The following ADAMTSL1 variants were observed in gnomAD, a reference collection of about 807,000 sequenced individuals.
ADAMTSL1 encodes the protein ADAMTS like 1, also known as ADAMTS-like protein 1.
ADAMTSL1 carries 126 observed loss-of-function variants against 201.8 expected under a neutral mutation model. That is an observed-to-expected ratio of 0.62 (90% CI 0.54 to 0.72). The LOEUF (loss-of-function observed/expected upper bound fraction) is 0.72. ADAMTSL1 is among the 30% of genes least tolerant of loss of function. ADAMTSL1 has a pLI of 0.00. For missense variants in ADAMTSL1, 2,679 were observed against 2,277.8 expected (o/e 1.18, Z -3.59); for synonymous variants, 1,121 against 903.4 (o/e 1.24, Z -4.32).
chr9:18,574,251 C>T lies in ADAMTSL1; in HGVS notation c.459C>T (p.Ile153=). The change falls in exon 4 of 29, where the codon ATC becomes ATT. Residue 153 remains isoleucine, a synonymous_variant. Coordinates refer to ENST00000380548, the MANE Select transcript of ADAMTSL1 (RefSeq NM_001040272.6). ...ATACAGAATCTTTGGATATGTGCAT[C>T]AGTGGTTTATGCCAAGTAAGTGCTG... ...RCYTESLDMC[I]SGLCQIVGCD... is the part of the protein sequence containing the mutation. 1 of 1,613,982 alleles carries T rather than the reference C, an allele frequency of 6.2e-7. No homozygotes were observed. The highest frequency in any genetic ancestry group is 8.5e-7 in the Non-Finnish European group (1 of 1,179,860).
intron 1 of ADAMTSL1, among the ~76,000 whole-genome samples, chr9:18,146,165 G>A (rs1290929065): frequency 2.6e-5 from 4 of 152,046 alleles, no homozygotes; most frequent in African/African-American, 7.2e-5. Flanking sequence ...AGATTGTTTG[G>A]CAGTTTCTTA....
intron 3 of ADAMTSL1, among the ~76,000 whole-genome samples, chr9:18,547,826 T>G (rs1422610821): frequency 6.6e-6 from 1 of 151,718 alleles, no homozygotes; most frequent in Non-Finnish European, 1.5e-5. Context: ...AAAATTTTAG[T>G]ACAGTATCTG....
intron 14 of ADAMTSL1, among the ~76,000 whole-genome samples, chr9:18,708,740 T>C (rs941262468): frequency 6.6e-6 from 1 of 152,180 alleles, no homozygotes; most frequent in Non-Finnish European, 1.5e-5. Context: ...CTTTAAAAAA[T>C]TATTTATGGT....
chr9:18,356,520 C>T (rs1358452157), intron 2 of ADAMTSL1, among the ~76,000 whole-genome samples: 13 of 134,106 alleles, frequency 9.7e-5, no homozygotes, highest in African/African-American at 3.7e-4. Context: ...CAGTGAGACC[C>T]TGTCTTTAAA....
chr9:18,897,553 T>A (rs949300292), intron 26 of ADAMTSL1, among the ~76,000 whole-genome samples: 1 of 152,166 alleles, frequency 6.6e-6, no homozygotes, highest in Non-Finnish European at 1.5e-5. Flanking sequence ...ACTTCACTGG[T>A]GATACATCCA....
chr9:18,186,459 T>A (rs1828738181), intron 2 of ADAMTSL1, among the ~76,000 whole-genome samples: 1 of 152,144 alleles, frequency 6.6e-6, no homozygotes, highest in African/African-American at 2.4e-5. Context: ...CTTTGTTGCC[T>A]AGTCCCTACC....
intron 2 of ADAMTSL1, among the ~76,000 whole-genome samples, chr9:18,431,346 A>G (rs1232354799): frequency 1.3e-5 from 2 of 152,232 alleles, no homozygotes; most frequent in Non-Finnish European, 2.9e-5. Context: ...CATTATTGGA[A>G]GAAACTAAAA....
chr9:18,908,265 G>A (rs983431387), intron 28 of ADAMTSL1, 177 bp from the exon 29 acceptor site: 1 of 632,030 alleles, frequency 1.6e-6, no homozygotes, highest in Admixed American at 2.3e-5. Context: ...TGGCAGCCTT[G>A]GGGAGCAAGT....
intron 1 of ADAMTSL1, among the ~76,000 whole-genome samples, chr9:17,961,481 C>G (rs959699175): frequency 2.0e-5 from 3 of 152,058 alleles, no homozygotes; most frequent in Non-Finnish European, 4.4e-5. Flanking sequence ...GAACTCCTGA[C>G]CTCAGGTGAT....
chr9:18,326,524 C>G (rs1241163904), intron 2 of ADAMTSL1, among the ~76,000 whole-genome samples: 2 of 151,836 alleles, frequency 1.3e-5, no homozygotes, highest in Non-Finnish European at 2.9e-5. Flanking sequence ...TGCTGGCATG[C>G]TTTGTATTTT....
intron 16 of ADAMTSL1, among the ~76,000 whole-genome samples, chr9:18,762,631 C>T (rs1178696101): frequency 6.6e-6 from 1 of 152,060 alleles, no homozygotes. Flanking sequence ...CCATCCCACC[C>T]TCCCCCTCAG....
At chr9:18,567,577 C>G (rs141282946) in intron 3 of ADAMTSL1, among the ~76,000 whole-genome samples, 2 of 152,276 alleles carry the variant, frequency 1.3e-5, no homozygotes, top group African/African-American at 4.8e-5. Flanking sequence ...CAGGTTTGGA[C>G]ATGATGAGTT....
chr9:18,878,525 G>A (rs1474246115), intron 23 of ADAMTSL1, among the ~76,000 whole-genome samples: 4 of 152,158 alleles, frequency 2.6e-5, no homozygotes, highest in African/African-American at 9.7e-5. Context: ...CTCAGCTCCT[G>A]GTAAGGTCAA....
chr9:18,838,515 AAAATAAAT>A (rs145645151), intron 23 of ADAMTSL1, among the ~76,000 whole-genome samples: 6 of 151,794 alleles, frequency 4.0e-5, no homozygotes, highest in Non-Finnish European at 5.9e-5. Flanking sequence ...CTCCAGTTTA[AAAATAAAT>A]AAATAAATAA....
At position 18,265,504 on chromosome 9, in the gene ADAMTSL1, G is replaced by A. The variant is rs112676862; in HGVS notation, c.207+101523G>A. 3.5e-3 allele frequency among the ~76,000 whole-genome samples: 532 copies of A among 152,146 alleles called. 1 individual carries two copies. Among genetic ancestry groups the A allele is most frequent in the Non-Finnish European group, 6.4e-3 (437 of 67,988 alleles). ...AAGCCAGGGATTTTTGTCTGTTTTG[G>A]TTCCTAGCACCAATAGAGTCTCAGT... is the stretch of plus-strand genomic sequence containing the variant. On this transcript the variant is annotated intron_variant, in intron 2 of 29. Transcript: ENST00000680146.
At position 18,776,943 on chromosome 9, in the gene ADAMTSL1, G is replaced by A. The variant is rs749395057; in HGVS notation, c.2714G>A (p.Arg905His). ...CTGCGCTGCCCGGCGCGCAGGGTCC[G>A]CAAGCCCCTCATCACCTGGGAGAAG... ...VVLRCPARRV[R>H]KPLITWEKDG... The change falls in exon 19 of 29, where the codon CGC becomes CAC. Residue 905 changes from arginine (R) to histidine (H), a missense_variant. Arg to His is a conservative substitution (Grantham distance 29). Transcript: ENST00000380548. The A allele has an allele frequency of 1.1e-5, 18 of 1,599,626 alleles. No individual in the cohort carries two copies. In the Admixed American group the frequency reaches 2.4e-4, roughly 21 times the overall value.
chr9:18,052,450 C>G (rs1821980933), intron 1 of ADAMTSL1, among the ~76,000 whole-genome samples: 1 of 152,120 alleles, frequency 6.6e-6, no homozygotes, highest in Non-Finnish European at 1.5e-5. Context: ...GGAGAAGGTT[C>G]TAGGCAGAGA....
intron 20 of ADAMTSL1, among the ~76,000 whole-genome samples, chr9:18,816,863 A>G (rs1039900214): frequency 8.6e-5 from 13 of 151,662 alleles, no homozygotes; most frequent in African/African-American, 1.2e-4. Flanking sequence ...TATGGTGATC[A>G]GATCTGGGCA....
rs185943040 is a variant in ADAMTSL1, at chr9:18,065,783, C to G, written c.88-98079C>G. On this transcript the variant is annotated intron_variant, in intron 1 of 29. Coordinates refer to the ADAMTSL1 transcript ENST00000680146. Reference sequence around the variant, plus strand: ...ATCACCTGAAGGCAGGAGTTCGAGACCAGCCTGGCCAACATGGCAAAACCC... The same window carrying G: ...ATCACCTGAAGGCAGGAGTTCGAGAGCAGCCTGGCCAACATGGCAAAACCC... Among the ~76,000 whole-genome samples, 200 of 152,048 alleles carry G rather than the reference C, an allele frequency of 1.3e-3. 2 individuals are homozygous for G. Among genetic ancestry groups the G allele is most frequent in the African/African-American group, 4.6e-3 (191 of 41,488 alleles).
Sources: gnomAD v4.1 joint callset for allele counts (sites outside exome capture counted in the v4.1 genomes callset) on GRCh38, gnomAD v4.1.1 for gene constraint, MANE v1.5 for transcripts, NCBI Gene and HGNC (gene_info 2026-07-23, HGNC 2026-07-21) for gene names.